The following C7orf78 variants were observed in gnomAD, a reference collection of about 807,000 sequenced individuals.
The protein encoded by C7orf78 is putative uncharacterized protein C7orf78.
the C7orf78 span, among the ~76,000 whole-genome samples, chr7:12,512,459 T>G: frequency 6.6e-6 from 1 of 152,212 alleles, no homozygotes; most frequent in Non-Finnish European, 1.5e-5. Context: ...ATCAATTTTG[T>G]CCTTCATTCT....
chr7:12,488,782 A>T, the C7orf78 span, among the ~76,000 whole-genome samples: 20,912 of 152,098 alleles, frequency 0.14, 2,184 homozygotes, highest in African/African-American at 0.3. Flanking sequence ...AGTTATATTC[A>T]TACCATATAT....
the C7orf78 span, among the ~76,000 whole-genome samples, chr7:12,502,281 C>T: frequency 0.27 from 30,969 of 113,660 alleles, 4,837 homozygotes; most frequent in East Asian, 0.54. Flanking sequence ...AAACTACCAT[C>T]AGAGTGAACA....
At chr7:12,531,212 C>G in the C7orf78 span, 1 of 393,604 alleles carries the variant, frequency 2.5e-6, no homozygotes, top group Non-Finnish European at 4.5e-6. Context: ...GTCATAGGAA[C>G]TATAAGTGAA....
chr7:12,532,307 T>G, the C7orf78 span, among the ~76,000 whole-genome samples: 332 of 152,246 alleles, frequency 2.2e-3, no homozygotes, highest in African/African-American at 7.6e-3. Flanking sequence ...CCCAACACTT[T>G]GGGAGGTCAA....
At chr7:12,538,988 C>T in the C7orf78 span, among the ~76,000 whole-genome samples, 2 of 152,302 alleles carry the variant, frequency 1.3e-5, no homozygotes, top group East Asian at 1.9e-4. Flanking sequence ...AGCAAGCATT[C>T]ATCCAGAGCA....
At chr7:12,491,897 G>C in the C7orf78 span, 1 of 152,118 alleles carries the variant, frequency 6.6e-6, no homozygotes, top group Non-Finnish European at 1.5e-5. Flanking sequence ...TATGCTGAAG[G>C]ACATAATGGC....
At chr7:12,506,917 G>T in the C7orf78 span, 1 of 483,688 alleles carries the variant, frequency 2.1e-6, no homozygotes, top group East Asian at 6.1e-5. Flanking sequence ...TGGTGAAGGA[G>T]ATTCCACAGT....
the C7orf78 span, among the ~76,000 whole-genome samples, chr7:12,492,810 GTGAACTGATTC>G: frequency 6.6e-6 from 1 of 152,224 alleles, no homozygotes; most frequent in African/African-American, 2.4e-5. Context: ...CTTGCTAGAT[GTGAACTGATTC>G]TGCTCTTTAA....
chr7:12,519,911 G>C, the C7orf78 span, among the ~76,000 whole-genome samples: 192 of 152,326 alleles, frequency 1.3e-3, no homozygotes, highest in African/African-American at 4.4e-3. Flanking sequence ...TCTCACAGTG[G>C]TGCCATGCTG....
At chr7:12,494,216 T>A in the C7orf78 span, among the ~76,000 whole-genome samples, 1 of 152,080 alleles carries the variant, frequency 6.6e-6, no homozygotes, top group Non-Finnish European at 1.5e-5. Flanking sequence ...ATATTGACCA[T>A]TTTGCCTGGG....
chr7:12,493,190 T>C, the C7orf78 span, among the ~76,000 whole-genome samples: 41 of 152,182 alleles, frequency 2.7e-4, no homozygotes, highest in Non-Finnish European at 3.5e-4. Context: ...AGCAAGACCC[T>C]GTCAAATAAG....
the C7orf78 span, among the ~76,000 whole-genome samples, chr7:12,489,101 GTA>G: frequency 2.0e-5 from 3 of 152,064 alleles, no homozygotes; most frequent in Middle Eastern, 3.4e-3. Flanking sequence ...AGAATAAGAA[GTA>G]TTGGGGCATA....
the C7orf78 span, among the ~76,000 whole-genome samples, chr7:12,526,460 A>G: frequency 6.6e-6 from 1 of 152,154 alleles, no homozygotes; most frequent in Non-Finnish European, 1.5e-5. Flanking sequence ...AGGAGGGACA[A>G]TATCTGAATG....
chr7:12,512,099 GT>G, the C7orf78 span, among the ~76,000 whole-genome samples: 2 of 151,698 alleles, frequency 1.3e-5, no homozygotes, highest in African/African-American at 2.4e-5. Context: ...AGTTCTAAGA[GT>G]TTTTTTAGTG....
At chr7:12,525,332 A>T in the C7orf78 span, among the ~76,000 whole-genome samples, 16 of 152,282 alleles carry the variant, frequency 1.1e-4, no homozygotes, top group East Asian at 3.1e-3. Flanking sequence ...GCTTATAAAA[A>T]AACAGTAACT....
the C7orf78 span, among the ~76,000 whole-genome samples, chr7:12,515,451 T>C: frequency 6.6e-6 from 1 of 152,190 alleles, no homozygotes; most frequent in African/African-American, 2.4e-5. Context: ...CTCAGATATG[T>C]CTTTATCAGC....
At chr7:12,496,126 C>T in the C7orf78 span, among the ~76,000 whole-genome samples, 21 of 152,042 alleles carry the variant, frequency 1.4e-4, no homozygotes, top group Admixed American at 4.6e-4. Context: ...GGGGTTTCAC[C>T]GTGTTAGCCA....
the C7orf78 span, among the ~76,000 whole-genome samples, chr7:12,488,913 G>T: frequency 7.9e-3 from 1,131 of 143,438 alleles, 19 homozygotes; most frequent in African/African-American, 0.027. Flanking sequence ...GGTTTGATTG[G>T]TTTTTTTTTT....
chr7:12,532,685 G>A, the C7orf78 span, among the ~76,000 whole-genome samples: 8 of 152,110 alleles, frequency 5.3e-5, no homozygotes, highest in Non-Finnish European at 8.8e-5. Flanking sequence ...TACAGCACAC[G>A]ACACTTAGTA....
Sources: gnomAD v4.1 joint callset for allele counts (sites outside exome capture counted in the v4.1 genomes callset) on GRCh38, gnomAD v4.1.1 for gene constraint, MANE v1.5 for transcripts, NCBI Gene and HGNC (gene_info 2026-07-23, HGNC 2026-07-21) for gene names.